Variants in ERC2 observed in about 807,000 individuals in gnomAD.
The protein encoded by ERC2 is ERC protein 2.
In ERC2, 42 loss-of-function variants were observed where a neutral mutation model predicts 114.8. The ratio of observed to expected loss-of-function variants is 0.37; its 90% CI spans 0.29 to 0.47. The LOEUF (loss-of-function observed/expected upper bound fraction) is 0.47. Ranked by LOEUF, ERC2 falls within the 20% of genes least tolerant of loss-of-function variation. ERC2 has a pLI of 0.99. For synonymous variants in ERC2, 454 were observed against 425.5 expected, an observed-to-expected ratio of 1.07 and a Z score of -0.82; for missense variants, 939 against 1,150.7, an observed-to-expected ratio of 0.82 and a Z score of 2.66.
At chr3:55,962,716 G>A (rs1205197576) in intron 12 of ERC2, among the ~76,000 whole-genome samples, 2 of 152,146 alleles carry the variant, frequency 1.3e-5, no homozygotes, top group East Asian at 1.9e-4. Context: ...GGGAACCGTC[G>A]AAAGTTACAG....
chr3:56,451,535 A>G (rs2062828738), intron 1 of ERC2, among the ~76,000 whole-genome samples: 1 of 152,182 alleles, frequency 6.6e-6, no homozygotes, highest in South Asian at 2.1e-4. Flanking sequence ...TGAAAGAGTC[A>G]CATTGGAGGC....
intron 2 of ERC2, among the ~76,000 whole-genome samples, chr3:56,379,615 ACT>A (rs1304478898): frequency 6.6e-6 from 1 of 152,152 alleles, no homozygotes; most frequent in African/African-American, 2.4e-5. Flanking sequence ...TACACTGCAC[ACT>A]CTACCCACTG....
At chr3:55,809,161 G>C (rs182319227) in intron 14 of ERC2, among the ~76,000 whole-genome samples, 1 of 152,180 alleles carries the variant, frequency 6.6e-6, no homozygotes, top group East Asian at 1.9e-4. Flanking sequence ...TCACTTTTCT[G>C]TTTCAAATAT....
At chr3:56,094,686 A>G (rs1303100317) in intron 6 of ERC2, among the ~76,000 whole-genome samples, 1 of 152,190 alleles carries the variant, frequency 6.6e-6, no homozygotes, top group South Asian at 2.1e-4. Flanking sequence ...GGTAATTAAA[A>G]CAGTTTGGTA....
At chr3:55,969,306 CATGTGCTATAG>C in intron 12 of ERC2, among the ~76,000 whole-genome samples, 1 of 151,648 alleles carries the variant, frequency 6.6e-6, no homozygotes, top group Middle Eastern at 3.4e-3. Flanking sequence ...AAAGAGAGAT[CATGTGCTATAG>C]AACCCAAGAT....
chr3:56,344,471 C>T (rs536412867), intron 2 of ERC2, among the ~76,000 whole-genome samples: 1 of 152,284 alleles, frequency 6.6e-6, no homozygotes, highest in East Asian at 1.9e-4. Flanking sequence ...TGCACCATTG[C>T]TCAGGGTGAA....
intron 2 of ERC2, among the ~76,000 whole-genome samples, chr3:56,338,994 G>A (rs1484184048): frequency 1.3e-5 from 2 of 152,162 alleles, no homozygotes; most frequent in Non-Finnish European, 2.9e-5. Context: ...GCAAAGGCCA[G>A]CAAAGGTAGG....
intron 3 of ERC2, among the ~76,000 whole-genome samples, chr3:56,196,520 T>C (rs73831905): frequency 2.1e-4 from 31 of 145,472 alleles, no homozygotes; most frequent in African/African-American, 7.1e-4. Context: ...TTTTAGCATA[T>C]CAAAGACCAA....
intron 13 of ERC2, among the ~76,000 whole-genome samples, chr3:55,905,237 C>T (rs768664105): frequency 3.3e-5 from 5 of 152,004 alleles, no homozygotes; most frequent in East Asian, 1.9e-4. Context: ...TGCACCATCA[C>T]GCCCAGCTAA....
At chr3:56,109,791 G>A (rs558689918) in intron 6 of ERC2, among the ~76,000 whole-genome samples, 37 of 148,208 alleles carry the variant, frequency 2.5e-4, no homozygotes, top group African/African-American at 8.6e-4. Context: ...AGAAACAAAT[G>A]TTTAAAAACC....
intron 13 of ERC2, among the ~76,000 whole-genome samples, chr3:55,928,151 A>G (rs1301831104): frequency 2.0e-5 from 3 of 152,192 alleles, no homozygotes; most frequent in Non-Finnish European, 4.4e-5. Context: ...ATTGTATGGT[A>G]GTTCCATTTT....
chr3:55,895,558 C>T (rs547246432), intron 13 of ERC2, among the ~76,000 whole-genome samples: 2 of 152,342 alleles, frequency 1.3e-5, no homozygotes, highest in Non-Finnish European at 2.9e-5. Flanking sequence ...GTTTTCATTG[C>T]CTGCACCCAT....
At chr3:56,036,469 T>C (rs2074809062) in intron 7 of ERC2, among the ~76,000 whole-genome samples, 1 of 152,078 alleles carries the variant, frequency 6.6e-6, no homozygotes, top group Admixed American at 6.6e-5. Context: ...TAGAGAAAAC[T>C]CTGAGGGGAG....
At chr3:56,183,613 C>T (rs912805494) in intron 3 of ERC2, among the ~76,000 whole-genome samples, 1 of 152,240 alleles carries the variant, frequency 6.6e-6, no homozygotes, top group Non-Finnish European at 1.5e-5. Flanking sequence ...AGCATTAATA[C>T]ACTGTCACTG....
intron 10 of ERC2, among the ~76,000 whole-genome samples, chr3:55,993,352 T>C (rs1407855485): frequency 6.6e-6 from 1 of 152,178 alleles, no homozygotes; most frequent in Admixed American, 6.5e-5. Flanking sequence ...CAGATATTTA[T>C]TGTGTTTTTA....
rs147743675 is a variant in ERC2 at position 55,557,182 on chromosome 3, G to C, written c.*40-45906C>G. On this transcript the variant is annotated intron_variant, in intron 17 of 17. Transcript: ENST00000288221. ...ATTCATGGAGATGGCTCGTAGCACT[G>C]CTTTGAAGAGGGCTGGAATTTGACA... Among the ~76,000 whole-genome samples the C allele has an allele frequency of 5.7e-4, 87 of 152,330 alleles. 1 individual carries two copies. The East Asian group carries it at 0.015, about 27-fold the overall frequency.
chr3:56,466,095 G>A (rs934815360), intron 1 of ERC2, among the ~76,000 whole-genome samples: 1 of 152,136 alleles, frequency 6.6e-6, no homozygotes, highest in Non-Finnish European at 1.5e-5. Context: ...TACCTCACAG[G>A]GGCTCCACAA....
In ERC2 at chr3:56,156,955, C is replaced by A. The variant is rs527484815; in HGVS notation, c.1150-7823G>T. Among the ~76,000 whole-genome samples, 929 of 151,894 alleles carry A rather than the reference C, an allele frequency of 6.1e-3. 9 individuals are homozygous for A. Among genetic ancestry groups the A allele is most frequent in the Middle Eastern group, 0.01 (3 of 294 alleles). On this transcript the variant is annotated intron_variant, in intron 4 of 17. Transcript: ENST00000288221. ...AAGAAAACAAACAACAACAAAAAAA[C>A]AATAGCTGCTATGTATTGATTACCT...
At chr3:55,918,446 T>C (rs979247008) in intron 13 of ERC2, among the ~76,000 whole-genome samples, 2 of 152,096 alleles carry the variant, frequency 1.3e-5, no homozygotes, top group African/African-American at 4.8e-5. Flanking sequence ...AATTTGGCAA[T>C]ATGTAATAAA....
Sources: allele counts gnomAD v4.1 joint callset (sites outside exome capture counted in the v4.1 genomes callset), GRCh38; gene constraint gnomAD v4.1.1; transcripts MANE v1.5; gene names NCBI Gene and HGNC (gene_info 2026-07-23, HGNC 2026-07-21).